LARGE1: variants seen among roughly 807,000 people sequenced by gnomAD.
The protein encoded by LARGE1 is LARGE xylosyl- and glucuronyltransferase 1, also known as xylosyl- and glucuronyltransferase LARGE1.
A neutral mutation model predicts 87.6 loss-of-function variants in LARGE1; 43 were observed. That is an observed-to-expected ratio of 0.49 (90% CI 0.38 to 0.63). The LOEUF (loss-of-function observed/expected upper bound fraction) is 0.63, where lower values mean the gene tolerates loss of function less well. Ranked by LOEUF, LARGE1 falls within the 30% of genes least tolerant of loss-of-function variation. The probability of loss-of-function intolerance (pLI) is 0.00; values close to 1 mark genes in which losing one functional copy is unlikely to be tolerated. For missense variants in LARGE1, 802 were observed against 1,000.2 expected, an observed-to-expected ratio of 0.80 and a Z score of 2.67; for synonymous variants, 434 against 394.6, an observed-to-expected ratio of 1.10 and a Z score of -1.18.
At chr22:33,166,578 C>T in exon 12 of LARGE1, 1 of 361,968 alleles carries the variant, frequency 2.8e-6, no homozygotes, top group South Asian at 2.1e-5. Flanking sequence ...CTGCCATGTA[C>T]TACTTCAATC....
chr22:33,912,261 C>A (rs1363185596), intron 1 of LARGE1, among the ~76,000 whole-genome samples: 1 of 152,096 alleles, frequency 6.6e-6, no homozygotes, highest in Non-Finnish European at 1.5e-5. Context: ...GTTAACCTTA[C>A]TCAATAATAA....
the LARGE1 span, among the ~76,000 whole-genome samples, chr22:33,104,917 T>TTC: frequency 1.4e-4 from 11 of 77,398 alleles, no homozygotes; most frequent in South Asian, 9.1e-4. Flanking sequence ...CTTTCTTTCT[T>TTC]TCTTTCTTTC....
intron 1 of LARGE1, among the ~76,000 whole-genome samples, chr22:33,834,280 T>C (rs904336948): frequency 1.3e-5 from 2 of 152,202 alleles, no homozygotes; most frequent in African/African-American, 4.8e-5. Context: ...ATATAAAATA[T>C]GTACCTGTCA....
chr22:33,818,901 G>A (rs886116623), intron 1 of LARGE1, among the ~76,000 whole-genome samples: 2 of 152,246 alleles, frequency 1.3e-5, no homozygotes, highest in East Asian at 1.9e-4. Context: ...CCTTGGGTGG[G>A]CTGAAAGTTC....
chr22:33,436,748 C>T (rs2067285870), intron 6 of LARGE1: 1 of 152,544 alleles, frequency 6.6e-6, no homozygotes, highest in Admixed American at 6.5e-5. Context: ...GCCAGCATGC[C>T]AACAGATAGC....
At chr22:33,766,403 T>C (rs2084901781) in intron 1 of LARGE1, among the ~76,000 whole-genome samples, 1 of 152,186 alleles carries the variant, frequency 6.6e-6, no homozygotes, top group Non-Finnish European at 1.5e-5. Flanking sequence ...GAACATTGTA[T>C]GAACCCAAAA....
intron 6 of LARGE1, among the ~76,000 whole-genome samples, chr22:33,505,395 G>T (rs1222042106): frequency 1.3e-5 from 2 of 152,196 alleles, no homozygotes; most frequent in Non-Finnish European, 2.9e-5. Context: ...GGATCCAAAT[G>T]GGCTTTACTA....
At chr22:33,751,237 T>C (rs2084303427) in intron 2 of LARGE1, among the ~76,000 whole-genome samples, 1 of 152,126 alleles carries the variant, frequency 6.6e-6, no homozygotes, top group Non-Finnish European at 1.5e-5. Flanking sequence ...TCCTGGCACT[T>C]TGGGAGGCCG....
chr22:33,206,975 G>A (rs961731345), intron 11 of LARGE1, among the ~76,000 whole-genome samples: 4 of 152,030 alleles, frequency 2.6e-5, no homozygotes, highest in Non-Finnish European at 4.4e-5. Context: ...TCCCCTCTCC[G>A]GTGCAGAACT....
chr22:33,157,312 C>G (rs185273174), downstream of LARGE1, among the ~76,000 whole-genome samples: 79 of 152,294 alleles, frequency 5.2e-4, no homozygotes, highest in African/African-American at 1.7e-3. Flanking sequence ...AGCCACTCTA[C>G]CTATTAACCC....
downstream of LARGE1, among the ~76,000 whole-genome samples, chr22:33,268,963 CATAT>C: frequency 6.6e-6 from 1 of 152,126 alleles, no homozygotes; most frequent in Admixed American, 6.5e-5. Flanking sequence ...CAAAAAATTA[CATAT>C]GCATACAGAC....
At chr22:33,399,149 C>A (rs1413358456) in intron 7 of LARGE1, among the ~76,000 whole-genome samples, 1 of 151,800 alleles carries the variant, frequency 6.6e-6, no homozygotes, top group Non-Finnish European at 1.5e-5. Flanking sequence ...CCCGCCCCGA[C>A]CAAGAGGCCC....
chr22:33,627,188 C>G (rs1368998550), intron 3 of LARGE1, among the ~76,000 whole-genome samples: 1 of 152,204 alleles, frequency 6.6e-6, no homozygotes, highest in Non-Finnish European at 1.5e-5. Context: ...AGCTACTGGG[C>G]GGGGCTGGCA....
intron 7 of LARGE1, among the ~76,000 whole-genome samples, chr22:33,389,701 C>T (rs577683662): frequency 2.0e-4 from 31 of 152,156 alleles, no homozygotes; most frequent in South Asian, 6.2e-4. Flanking sequence ...CAAAATGAGC[C>T]GGGCATGGTG....
At chr22:33,816,727 G>A (rs942396938) in intron 1 of LARGE1, among the ~76,000 whole-genome samples, 1 of 151,446 alleles carries the variant, frequency 6.6e-6, no homozygotes, top group African/African-American at 2.4e-5. Context: ...CAGACAGACA[G>A]ACAGACAGAT....
intron 2 of LARGE1, among the ~76,000 whole-genome samples, chr22:33,726,606 T>C (rs2083279536): frequency 6.6e-6 from 1 of 152,190 alleles, no homozygotes; most frequent in Admixed American, 6.5e-5. Flanking sequence ...CTTCTAAAAA[T>C]ATCTGTGAAC....
At chr22:33,798,497 G>A (rs1407705892) in intron 1 of LARGE1, among the ~76,000 whole-genome samples, 2 of 152,300 alleles carry the variant, frequency 1.3e-5, no homozygotes, top group African/African-American at 4.8e-5. Flanking sequence ...TTGAAAGGGA[G>A]AGCTGACAGA....
chr22:33,193,529 C>T (rs544611047), intron 11 of LARGE1, among the ~76,000 whole-genome samples: 1 of 152,158 alleles, frequency 6.6e-6, no homozygotes, highest in African/African-American at 2.4e-5. Flanking sequence ...ATATGGATGT[C>T]GGCCGGGCAC....
At chr22:33,292,936 A>T (rs1237926290) in intron 12 of LARGE1, among the ~76,000 whole-genome samples, 3 of 152,228 alleles carry the variant, frequency 2.0e-5, no homozygotes, top group Non-Finnish European at 4.4e-5. Flanking sequence ...AACTAAGATA[A>T]TATATTCATC....
Sources: gnomAD v4.1 joint callset for allele counts (sites outside exome capture counted in the v4.1 genomes callset) on GRCh38, gnomAD v4.1.1 for gene constraint, MANE v1.5 for transcripts, NCBI Gene and HGNC (gene_info 2026-07-23, HGNC 2026-07-21) for gene names.